The following PCCA variants were observed in gnomAD, a reference collection of about 807,000 sequenced individuals.
PCCA encodes propionyl-CoA carboxylase alpha chain, mitochondrial.
In PCCA, 74 loss-of-function variants were observed where a neutral mutation model predicts 101.3. The ratio of observed to expected loss-of-function variants is 0.73; its 90% CI spans 0.61 to 0.89. The LOEUF (loss-of-function observed/expected upper bound fraction) is 0.89. Among genes scored for constraint, PCCA ranks in the 40% least tolerant of loss-of-function variants. The probability of loss-of-function intolerance (pLI) is 0.00; values close to 1 mark genes in which losing one functional copy is unlikely to be tolerated. For synonymous variants in PCCA, 294 were observed against 313.6 expected, an observed-to-expected ratio of 0.94 and a Z score of 0.66; for missense variants, 891 against 907.0, an observed-to-expected ratio of 0.98 and a Z score of 0.23.
At chr13:100,345,520 T>G (rs1459228577) in intron 18 of PCCA, among the ~76,000 whole-genome samples, 1 of 152,194 alleles carries the variant, frequency 6.6e-6, no homozygotes, top group Non-Finnish European at 1.5e-5. Context: ...AGAGCTTAGT[T>G]CATGAGATTT....
chr13:100,428,296 G>T (rs1316320192), intron 20 of PCCA, among the ~76,000 whole-genome samples: 1 of 151,098 alleles, frequency 6.6e-6, no homozygotes. Flanking sequence ...TGGAACTCCT[G>T]GGCTCAAGCA....
At chr13:100,361,836 C>A (rs1195347550) in intron 18 of PCCA, among the ~76,000 whole-genome samples, 1 of 152,136 alleles carries the variant, frequency 6.6e-6, no homozygotes, top group African/African-American at 2.4e-5. Flanking sequence ...TTTAGCAACT[C>A]ATATAAAATT....
intron 4 of PCCA, among the ~76,000 whole-genome samples, chr13:100,127,447 TAAAC>T (rs1001542305): frequency 6.6e-6 from 1 of 152,214 alleles, no homozygotes. Flanking sequence ...CTGGTAAACT[TAAAC>T]AACATGGTTT....
chr13:100,523,790 C>A (rs1406248869), intron 22 of PCCA, among the ~76,000 whole-genome samples: 2 of 152,222 alleles, frequency 1.3e-5, no homozygotes, highest in Non-Finnish European at 2.9e-5. Flanking sequence ...CTAGGTTCAT[C>A]AAAAAGACTT....
intron 19 of PCCA, among the ~76,000 whole-genome samples, chr13:100,410,744 G>A (rs7998029): frequency 0.029 from 4,418 of 151,884 alleles, 233 homozygotes; most frequent in African/African-American, 0.1. Context: ...CATGTCCACT[G>A]ACAACCTAGC....
At chr13:100,157,527 A>C (rs756567046) in intron 6 of PCCA, among the ~76,000 whole-genome samples, 187 bp downstream of exon 6, 33 of 152,332 alleles carry the variant, frequency 2.2e-4, no homozygotes, top group Middle Eastern at 6.8e-3. Flanking sequence ...TAATTATAAA[A>C]ACAGAAAAGT....
At chr13:100,170,031 C>G (rs1009492676) in intron 6 of PCCA, among the ~76,000 whole-genome samples, 4 of 152,164 alleles carry the variant, frequency 2.6e-5, no homozygotes, top group Non-Finnish European at 4.4e-5. Flanking sequence ...TTCTGTATCA[C>G]TCAGGCTTTC....
intron 16 of PCCA, among the ~76,000 whole-genome samples, chr13:100,314,936 G>A (rs1004591303): frequency 3.9e-5 from 6 of 152,202 alleles, no homozygotes; most frequent in African/African-American, 1.2e-4. Flanking sequence ...TGAGGTGATA[G>A]CAATGTTAGC....
chr13:100,180,767 A>T (rs1004135181), intron 6 of PCCA, among the ~76,000 whole-genome samples: 7 of 152,246 alleles, frequency 4.6e-5, no homozygotes, highest in African/African-American at 1.7e-4. Flanking sequence ...ATGCATGTAT[A>T]TTGGCATCCT....
intron 21 of PCCA, among the ~76,000 whole-genome samples, chr13:100,476,821 G>T (rs1281576646): frequency 6.6e-6 from 1 of 152,132 alleles, no homozygotes; most frequent in Non-Finnish European, 1.5e-5. Flanking sequence ...AAAACTGGGG[G>T]ACTCTGAGGT....
chr13:100,288,541 A>G (rs950326595), intron 12 of PCCA, among the ~76,000 whole-genome samples: 2 of 152,212 alleles, frequency 1.3e-5, no homozygotes, highest in South Asian at 2.1e-4. Context: ...TCTGTCTCCT[A>G]AAGTGCTGGG....
rs1411728914 is a variant in PCCA, at chr13:100,394,253, G to C, written c.1746+25679G>C. Among the ~76,000 whole-genome samples, 1 of 152,184 alleles carries C rather than the reference G, an allele frequency of 6.6e-6. No individual in the cohort carries two copies. Among genetic ancestry groups the C allele is most frequent in the African/African-American group, 2.4e-5 (1 of 41,454 alleles). ...TAACTAGAAACACCTCGCTTCAAAC[G>C]GGTTTCTTCAAAGAAAGAGGGGTTT... is the stretch of plus-strand genomic sequence containing the variant. On this transcript the variant is annotated intron_variant, in intron 19 of 23. Transcript: ENST00000376285. This position sits in a 1 kb window ranked among gnomAD's most constrained non-coding sequence, Gnocchi z 4.3.
intron 21 of PCCA, among the ~76,000 whole-genome samples, chr13:100,507,666 C>G (rs1033492653): frequency 1.3e-5 from 2 of 152,040 alleles, no homozygotes; most frequent in Non-Finnish European, 2.9e-5. Flanking sequence ...CTTTTCTTTT[C>G]TTTTTCTTGA....
chr13:100,150,279 G>T (rs1159393671), intron 4 of PCCA, among the ~76,000 whole-genome samples: 1 of 152,014 alleles, frequency 6.6e-6, no homozygotes, highest in Admixed American at 6.6e-5. Flanking sequence ...TGATCCACCC[G>T]CCTCGGCCTC....
At chr13:100,182,376 A>C (rs147376292) in intron 6 of PCCA, among the ~76,000 whole-genome samples, 13 of 152,160 alleles carry the variant, frequency 8.5e-5, no homozygotes, top group Non-Finnish European at 1.5e-4. Context: ...GGATTACAGC[A>C]CTGTGCCTGG....
At chr13:100,143,944 T>G (rs1419478673) in intron 4 of PCCA, among the ~76,000 whole-genome samples, 1 of 151,862 alleles carries the variant, frequency 6.6e-6, no homozygotes, top group East Asian at 1.9e-4. Context: ...TTTTTTTTTT[T>G]TTGTAGAGAT....
At chr13:100,499,007 C>A (rs1386496358) in intron 21 of PCCA, among the ~76,000 whole-genome samples, 2 of 152,152 alleles carry the variant, frequency 1.3e-5, no homozygotes, top group Non-Finnish European at 2.9e-5. Flanking sequence ...GACAAGACTT[C>A]CACCCGCATT....
At chr13:100,505,691 C>T (rs1261356096) in intron 21 of PCCA, among the ~76,000 whole-genome samples, 1 of 152,134 alleles carries the variant, frequency 6.6e-6, no homozygotes. Context: ...GTGGCAAAAC[C>T]CCATCTCTAC....
intron 20 of PCCA, among the ~76,000 whole-genome samples, chr13:100,447,930 T>C (rs1322776237): frequency 6.6e-6 from 1 of 152,202 alleles, no homozygotes; most frequent in Non-Finnish European, 1.5e-5. Context: ...TCTGTGATCA[T>C]AGAGATCAGA....
Sources: gnomAD v4.1 joint callset for allele counts (sites outside exome capture counted in the v4.1 genomes callset) on GRCh38, gnomAD v4.1.1 for gene constraint, Gnocchi (gnomAD v3.1) non-coding constraint, MANE v1.5 for transcripts, NCBI Gene and HGNC (gene_info 2026-07-23, HGNC 2026-07-21) for gene names.